Variants in PRDM15 observed in about 807,000 individuals in gnomAD.
PRDM15 encodes PR/SET domain 15.
Under a neutral mutation model 128.6 loss-of-function variants are expected in PRDM15, and 64 were observed. The observed-to-expected ratio is 0.50, with a 90% CI of 0.41 to 0.61. The LOEUF (loss-of-function observed/expected upper bound fraction) is 0.61, where lower values mean the gene tolerates loss of function less well. Among genes scored for constraint, PRDM15 ranks in the 20% least tolerant of loss-of-function variants. The pLI is 0.00. For synonymous variants in PRDM15, 615 were observed against 621.8 expected (o/e 0.99, Z 0.16); for missense variants, 1,242 against 1,569.1 (o/e 0.79, Z 3.52).
In PRDM15 at chr21:41,801,396, G is replaced by A. The variant is rs2061412392; in HGVS notation, c.3270C>T (p.Pro1090=). 5 of 1,613,630 alleles carry A rather than the reference G, an allele frequency of 3.1e-6. No homozygotes were observed. Among genetic ancestry groups the A allele is most frequent in the Non-Finnish European group, 4.2e-6 (5 of 1,179,558 alleles). The change falls in exon 24 of 24, where the codon CCC becomes CCT. Residue 1090 remains proline, a synonymous_variant. Coordinates refer to ENST00000398548, the MANE Select transcript of PRDM15 (RefSeq NM_001040424.3). The stretch of plus-strand genomic sequence containing the variant: ...GCTGGTCACTAAGCTGGCTCCCCAG[G>A]GGCGTGATGGAGTTGACCAGGGTCG... ...NLTTLVNSIT[P]LGSQLSDQHP...
intron 21 of PRDM15, among the ~76,000 whole-genome samples, chr21:41,808,603 CA>C (rs2061755930): frequency 6.6e-6 from 1 of 152,264 alleles, no homozygotes; most frequent in Non-Finnish European, 1.5e-5. Context: ...AATTACCCAT[CA>C]CTTCAAGAAC....
At chr21:41,835,291 C>CA (rs2062834158) in intron 11 of PRDM15, 146 bp downstream of exon 11, 1 of 675,396 alleles carries the variant, frequency 1.5e-6, no homozygotes. Context: ...TGCTTTGAAG[C>CA]AAAATGGACA....
chr21:41,847,928 G>C (rs2063317329), intron 5 of PRDM15, among the ~76,000 whole-genome samples: 1 of 152,178 alleles, frequency 6.6e-6, no homozygotes, highest in African/African-American at 2.4e-5. Flanking sequence ...AGAACTACAG[G>C]CACCTTTTAA....
chr21:41,861,892 A>C (rs761872750), intron 1 of PRDM15: 1 of 1,605,046 alleles, frequency 6.2e-7, no homozygotes, highest in South Asian at 1.1e-5. Context: ...TTCTCCCAAA[A>C]CAGCACTGTA....
intron 5 of PRDM15, among the ~76,000 whole-genome samples, chr21:41,851,601 C>T (rs936158298): frequency 2.0e-5 from 3 of 152,122 alleles, no homozygotes; most frequent in African/African-American, 4.8e-5. Flanking sequence ...TGACAGGCAG[C>T]GTGTGTGTGA....
intron 6 of PRDM15, among the ~76,000 whole-genome samples, chr21:41,846,064 A>C (rs1401851499): frequency 6.6e-6 from 1 of 152,160 alleles, no homozygotes; most frequent in Non-Finnish European, 1.5e-5. Context: ...AGCCAAGATG[A>C]GTAGGATGTC....
At chr21:41,877,967 G>T (rs1335373714) in intron 1 of PRDM15, among the ~76,000 whole-genome samples, 8 of 152,256 alleles carry the variant, frequency 5.3e-5, no homozygotes, top group Non-Finnish European at 1.2e-4. Context: ...GGAAATCTGG[G>T]GAAGGAGTGA....
In PRDM15 at chr21:41,859,941, C is replaced by T. The variant is rs1039957251; in HGVS notation, c.38-256G>A. Among the ~76,000 whole-genome samples the T allele has an allele frequency of 6.6e-6, 1 of 152,142 alleles. No individual in the cohort carries two copies. The highest frequency in any genetic ancestry group is 6.5e-5 in the Admixed American group (1 of 15,284). ...GCCCCCAGGGAAAGCTCTAGCTCCG[C>T]CGCACGCCTCAAATCAAGCACGGTC... On this transcript the variant is annotated intron_variant, in intron 2 of 23. Coordinates refer to ENST00000398548, the MANE Select transcript of PRDM15 (RefSeq NM_001040424.3). The surrounding 1 kb of genome is among the most constrained non-coding windows in gnomAD (Gnocchi z 5.3).
chr21:41,833,362 G>A (rs896105298), intron 11 of PRDM15, among the ~76,000 whole-genome samples: 5 of 152,190 alleles, frequency 3.3e-5, no homozygotes, highest in Non-Finnish European at 2.9e-5. Context: ...GTCCTCGAGA[G>A]AGGGTGACAC....
At chr21:41,825,126 C>T (rs1241564359) in intron 13 of PRDM15, among the ~76,000 whole-genome samples, 1 of 152,246 alleles carries the variant, frequency 6.6e-6, no homozygotes, top group African/African-American at 2.4e-5. Context: ...ATGAGCTTTG[C>T]ATCCTGTGAG....
chr21:41,870,055 A>G (rs141478458), intron 1 of PRDM15, among the ~76,000 whole-genome samples: 3 of 152,270 alleles, frequency 2.0e-5, no homozygotes, highest in Non-Finnish European at 4.4e-5. Context: ...GGTTCCTCCC[A>G]CTTTATTCTT....
intron 5 of PRDM15, among the ~76,000 whole-genome samples, chr21:41,853,122 C>T (rs1049811175): frequency 7.9e-5 from 12 of 152,162 alleles, no homozygotes; most frequent in Admixed American, 7.2e-4. Context: ...TCCAGCACTG[C>T]GGGAGGCACA....
chr21:41,820,696 T>C (rs1292669084), intron 16 of PRDM15, among the ~76,000 whole-genome samples: 1 of 152,212 alleles, frequency 6.6e-6, no homozygotes, highest in Non-Finnish European at 1.5e-5. Context: ...ACGGGACTGT[T>C]TAGTCACTCA....
chr21:41,823,873 A>G (rs963698527), intron 13 of PRDM15, among the ~76,000 whole-genome samples: 1 of 152,180 alleles, frequency 6.6e-6, no homozygotes, highest in African/African-American at 2.4e-5. Flanking sequence ...CACATTCCCA[A>G]TGTCTCTGAT....
Position 41,810,144 on chromosome 21 carries a change from A to G in PRDM15, c.2652+10T>C. The G allele has an allele frequency of 6.3e-7, 1 of 1,598,708 alleles. No homozygotes were observed. Among genetic ancestry groups the G allele is most frequent in the Non-Finnish European group, 8.5e-7 (1 of 1,173,076 alleles). On this transcript the variant is annotated intron_variant, in intron 21 of 23. Coordinates refer to ENST00000398548, the MANE Select transcript of PRDM15 (RefSeq NM_001040424.3). The surrounding 1 kb of genome is among the most constrained non-coding windows in gnomAD (Gnocchi z 6.4). ...GGCGGGGCACGGAGGGGGCACAGCCACCAGCTCACCTCGGGGTGCTTGCGC... is the reference window on the plus strand; with the variant it reads ...GGCGGGGCACGGAGGGGGCACAGCCGCCAGCTCACCTCGGGGTGCTTGCGC...
chr21:41,802,927 G>T lies in PRDM15; in HGVS notation c.2734-6C>A. ...TGCTCCAGAGTCAGCTCAGGCTGCA[G>T]AAAAATCGGTTTCAGCCGAGAACCA... is the stretch of plus-strand genomic sequence containing the variant. On this transcript the variant is annotated splice_region_variant and splice_polypyrimidine_tract_variant and intron_variant, in intron 22 of 23. Coordinates refer to ENST00000398548, the MANE Select transcript of PRDM15 (RefSeq NM_001040424.3). 6.2e-7 allele frequency: 1 copy of T among 1,613,480 alleles called. No individual in the cohort carries two copies. The highest frequency in any genetic ancestry group is 8.5e-7 in the Non-Finnish European group (1 of 1,179,796).
At chr21:41,836,052 G>T in intron 10 of PRDM15, 61 bp downstream of exon 10, 1 of 1,098,690 alleles carries the variant, frequency 9.1e-7, no homozygotes, top group South Asian at 1.2e-5. Context: ...ATGGTGATTT[G>T]GTCAGTTGTC....
chr21:41,809,657 A>C (rs1419166644), intron 21 of PRDM15, among the ~76,000 whole-genome samples: 2 of 152,120 alleles, frequency 1.3e-5, no homozygotes, highest in Non-Finnish European at 2.9e-5. Flanking sequence ...CTGACAACTA[A>C]GTTTTCCTCT....
At chr21:41,820,920 C>T (rs2062236570) in intron 16 of PRDM15, 147 bp downstream of exon 16, 1 of 1,023,274 alleles carries the variant, frequency 9.8e-7, no homozygotes, top group South Asian at 1.4e-5. Flanking sequence ...GCCCCCGAGC[C>T]CTGCTGCGCC....
Sources: gnomAD v4.1 joint callset for allele counts (sites outside exome capture counted in the v4.1 genomes callset) on GRCh38, gnomAD v4.1.1 for gene constraint, Gnocchi (gnomAD v3.1) non-coding constraint, MANE v1.5 for transcripts, NCBI Gene and HGNC (gene_info 2026-07-23, HGNC 2026-07-21) for gene names.